The following DPP10 variants were observed in gnomAD, a reference collection of about 807,000 sequenced individuals.
The protein encoded by DPP10 is inactive dipeptidyl peptidase 10.
In DPP10, 33 loss-of-function variants were observed where a neutral mutation model predicts 120.9. The observed-to-expected ratio is 0.27, with a 90% CI of 0.21 to 0.37. The LOEUF is 0.37. DPP10 is among the 10% of genes least tolerant of loss of function. The pLI is 1.00. For missense variants in DPP10, 816 were observed against 942.8 expected (o/e 0.87, Z 1.76); for synonymous variants, 337 against 326.1 (o/e 1.03, Z -0.36).
chr2:115,803,025 G>C (rs1685455388), intron 19 of DPP10, among the ~76,000 whole-genome samples: 1 of 152,200 alleles, frequency 6.6e-6, no homozygotes, highest in South Asian at 2.1e-4. Flanking sequence ...AATGTTGATA[G>C]TGGGCTGTTA....
chr2:115,032,821 G>T (rs1056962611), intron 1 of DPP10, among the ~76,000 whole-genome samples: 3 of 151,016 alleles, frequency 2.0e-5, no homozygotes, highest in Non-Finnish European at 2.9e-5. Context: ...GGAGGCAGAG[G>T]TTGCAATGAG....
At chr2:115,157,928 C>A (rs565334214) in intron 1 of DPP10, among the ~76,000 whole-genome samples, 1 of 152,230 alleles carries the variant, frequency 6.6e-6, no homozygotes, top group East Asian at 1.9e-4. Flanking sequence ...GGAAGGGGAG[C>A]AAAGAGAAGG....
chr2:115,038,357 G>A (rs916463938), intron 1 of DPP10, among the ~76,000 whole-genome samples: 8 of 151,918 alleles, frequency 5.3e-5, no homozygotes, highest in East Asian at 1.9e-4. Flanking sequence ...TGCAAGCTCC[G>A]CCTCCCGGGT....
At chr2:114,595,003 G>C (rs1385050450) in intron 1 of DPP10, among the ~76,000 whole-genome samples, 2 of 151,954 alleles carry the variant, frequency 1.3e-5, no homozygotes, top group African/African-American at 4.8e-5. Context: ...CTTGGTGTTT[G>C]TTCTATGCTT....
At chr2:114,717,078 T>G (rs1574031784) in intron 1 of DPP10, among the ~76,000 whole-genome samples, 1 of 152,328 alleles carries the variant, frequency 6.6e-6, no homozygotes, top group East Asian at 1.9e-4. Context: ...ATCAACGCAG[T>G]TAATTTTCCT....
chr2:114,727,129 T>C (rs1442810496), intron 1 of DPP10, among the ~76,000 whole-genome samples: 5 of 152,180 alleles, frequency 3.3e-5, no homozygotes, highest in African/African-American at 9.7e-5. Flanking sequence ...AACAGCGTGC[T>C]GTTGGCCTGG....
intron 8 of DPP10, among the ~76,000 whole-genome samples, chr2:115,732,781 A>G (rs1230660365): frequency 1.3e-5 from 2 of 152,184 alleles, no homozygotes; most frequent in African/African-American, 2.4e-5. Flanking sequence ...ATTTACAGAT[A>G]TATTTTAGAA....
At chr2:115,655,919 A>G (rs2088274791) in intron 5 of DPP10, among the ~76,000 whole-genome samples, 1 of 151,618 alleles carries the variant, frequency 6.6e-6, no homozygotes, top group African/African-American at 2.4e-5. Context: ...GAAATAGTCA[A>G]ACTCATAGTA....
chr2:115,332,440 T>C (rs2062810342), intron 2 of DPP10, among the ~76,000 whole-genome samples: 1 of 152,164 alleles, frequency 6.6e-6, no homozygotes, highest in Non-Finnish European at 1.5e-5. Flanking sequence ...TCTGCTCTGA[T>C]CTTAGTTATT....
chr2:115,682,456 C>T (rs2090725639), intron 5 of DPP10, among the ~76,000 whole-genome samples: 1 of 151,770 alleles, frequency 6.6e-6, no homozygotes, highest in Admixed American at 6.6e-5. Context: ...AGGAATTTTG[C>T]ACTATAGAAA....
intron 5 of DPP10, among the ~76,000 whole-genome samples, chr2:115,588,315 T>A (rs2082416588): frequency 6.6e-6 from 1 of 152,212 alleles, no homozygotes; most frequent in Non-Finnish European, 1.5e-5. Context: ...AAAAGCATAT[T>A]TTCATTTATT....
chr2:114,688,642 G>A (rs572623288), intron 1 of DPP10, among the ~76,000 whole-genome samples: 30 of 152,064 alleles, frequency 2.0e-4, no homozygotes, highest in South Asian at 1.0e-3. Context: ...CTGGAAATGC[G>A]GAAGAAAGCA....
chr2:115,009,747 C>T (rs1702127392), intron 1 of DPP10, among the ~76,000 whole-genome samples: 1 of 152,128 alleles, frequency 6.6e-6, no homozygotes, highest in Non-Finnish European at 1.5e-5. Flanking sequence ...GCACGTTCTG[C>T]ACATGTATCC....
chr2:115,281,246 C>T lies in DPP10; in HGVS notation c.61-27993C>T, dbSNP rs553424786. Among the ~76,000 whole-genome samples, 277 of 152,252 alleles carry T rather than the reference C, an allele frequency of 1.8e-3. 1 individual carries two copies. The highest frequency in any genetic ancestry group is 6.3e-3 in the African/African-American group (260 of 41,546). ...TTTATTTCAGAACTTGGTAAAACTT[C>T]GGCTTTTCATTTCAAAAACAAAAGT... is the stretch of plus-strand genomic sequence containing the variant. On this transcript the variant is annotated intron_variant, in intron 1 of 25. Coordinates refer to ENST00000410059, the MANE Select transcript of DPP10 (RefSeq NM_020868.6).
At chr2:115,739,924 T>TC (rs759818265) in intron 9 of DPP10, 31 bp downstream of exon 9, 5 of 1,573,322 alleles carry the variant, frequency 3.2e-6, no homozygotes, top group Middle Eastern at 3.4e-4. Flanking sequence ...ATTTTGTTCC[T>TC]TCTCTCTCTC....
intron 3 of DPP10, among the ~76,000 whole-genome samples, chr2:115,353,350 C>A (rs2064159835): frequency 6.6e-6 from 1 of 152,030 alleles, no homozygotes; most frequent in Non-Finnish European, 1.5e-5. Context: ...TGTTCGGGGC[C>A]TCTCTATGTA....
chr2:115,332,264 G>A (rs1386484240), intron 2 of DPP10, among the ~76,000 whole-genome samples: 3 of 152,014 alleles, frequency 2.0e-5, no homozygotes, highest in African/African-American at 7.2e-5. Context: ...TGGGATCAGT[G>A]GTAATATCCC....
intron 1 of DPP10, among the ~76,000 whole-genome samples, chr2:115,053,832 G>C (rs1186749418): frequency 6.6e-6 from 1 of 152,140 alleles, no homozygotes; most frequent in Non-Finnish European, 1.5e-5. Context: ...GTCTAGTACA[G>C]TACATTTTTA....
At chr2:115,013,828 A>G (rs577955443) in intron 1 of DPP10, among the ~76,000 whole-genome samples, 1 of 152,238 alleles carries the variant, frequency 6.6e-6, no homozygotes, top group East Asian at 1.9e-4. Context: ...ATACTGGAGC[A>G]CCCAAATTCA....
Sources: gnomAD v4.1 joint callset for allele counts (sites outside exome capture counted in the v4.1 genomes callset) on GRCh38, gnomAD v4.1.1 for gene constraint, MANE v1.5 for transcripts, NCBI Gene and HGNC (gene_info 2026-07-23, HGNC 2026-07-21) for gene names.